HMOX1: variants seen among roughly 807,000 people sequenced by gnomAD.
HMOX1 encodes heme oxygenase 1.
Under a neutral mutation model 27.8 loss-of-function variants are expected in HMOX1, and 22 were observed. The ratio of observed to expected loss-of-function variants is 0.79; its 90% CI spans 0.57 to 1.13. HMOX1 has a LOEUF of 1.13. HMOX1 is among the 50% of genes most tolerant of loss of function. The pLI is 0.00. For missense variants in HMOX1, 379 were observed against 377.7 expected (o/e 1.00, Z -0.03); for synonymous variants, 153 against 151.6 (o/e 1.01, Z -0.07).
At position 35,389,248 on chromosome 22, in the gene HMOX1, T is replaced by TTTC. The variant is rs1491260058; in HGVS notation, c.637-614_637-613insCTT. On this transcript the variant is annotated intron_variant, in intron 3 of 4. Transcript: ENST00000216117. ...TTCTTTCTTTCTTTCTTTTTCTTTC[T>TTTC]TTTCTCTCTCTCTCTCTCTCTCTCT... Among the ~76,000 whole-genome samples the TTTC allele has an allele frequency of 2.8e-4, 35 of 124,216 alleles. 4 individuals carry two copies. The highest frequency in any genetic ancestry group is 1.5e-3 in the African/African-American group (35 of 23,956). The allele number at this position is 124,216 out of a possible 152,430, so 81.5% of individuals were successfully genotyped here.
chr22:35,383,328 T>C, intron 2 of HMOX1, 102 bp downstream of exon 2: 1 of 1,297,962 alleles, frequency 7.7e-7, no homozygotes, highest in Non-Finnish European at 1.1e-6. Context: ...AGGGACCAGA[T>C]GGGCATGTCC....
intron 3 of HMOX1, among the ~76,000 whole-genome samples, chr22:35,389,412 C>A (rs1931644034): frequency 1.0e-5 from 1 of 100,316 alleles, no homozygotes; most frequent in Non-Finnish European, 1.8e-5. Context: ...TTCTTTCTTT[C>A]TTTCTTTCTT....
At chr22:35,387,644 C>T (rs1429232853) in intron 3 of HMOX1, among the ~76,000 whole-genome samples, 2 of 152,214 alleles carry the variant, frequency 1.3e-5, no homozygotes, top group African/African-American at 4.8e-5. Flanking sequence ...AGAGGTTTAC[C>T]TCTTTCTACA....
At chr22:35,383,883 T>C (rs1348604604) in intron 2 of HMOX1, among the ~76,000 whole-genome samples, 2 of 151,760 alleles carry the variant, frequency 1.3e-5, no homozygotes, top group African/African-American at 4.8e-5. Flanking sequence ...GTGAAATTCA[T>C]GCAAATAGAA....
At chr22:35,389,274 CCTCT>C (rs70944257) in intron 3 of HMOX1, among the ~76,000 whole-genome samples, 999 of 96,100 alleles carry the variant, frequency 0.01, 92 homozygotes, top group Middle Eastern at 0.021. Flanking sequence ...CTCTCTCTCT[CCTCT>C]CTCTCTCTCT....
At chr22:35,389,395 C>CTTTCTTTCTTTCTTTCTTTCTTT (rs1555901605) in intron 3 of HMOX1, among the ~76,000 whole-genome samples, 3 of 51,782 alleles carry the variant, frequency 5.8e-5, no homozygotes, top group Admixed American at 2.0e-4. Context: ...TTCCTTCCTT[C>CTTTCTTTCTTTCTTTCTTTCTTT]CTTTCTTTCT....
chr22:35,389,331 TTTC>T (rs1169822180), intron 3 of HMOX1, among the ~76,000 whole-genome samples: 2 of 126,418 alleles, frequency 1.6e-5, no homozygotes, highest in Admixed American at 7.3e-5. Context: ...TCTTTCTTTC[TTTC>T]TTTCTTCTCC....
At position 35,386,970 on chromosome 22, in the gene HMOX1, G is replaced by T; in HGVS notation, c.430G>T (p.Gly144Cys). ...YTRYLGDLSG[G>C]QVLKKIAQKA... is the part of the protein sequence containing the mutation. ...CCGCTACCTGGGTGACCTGTCTGGG[G>T]GCCAGGTGCTCAAAAAGATTGCCCA... is the stretch of plus-strand genomic sequence containing the variant. Residue 144 changes from glycine to cysteine, a missense_variant, in exon 3 of 5, where the codon GGC (glycine) becomes TGC (cysteine). Physicochemically the swap from Gly to Cys is radical, Grantham distance 159 (BLOSUM62 -3). Coordinates refer to ENST00000216117, the MANE Select transcript of HMOX1 (RefSeq NM_002133.3). The T allele has an allele frequency of 1.2e-6, 2 of 1,614,030 alleles. No individual in the cohort carries two copies. Among genetic ancestry groups the T allele is most frequent in the Non-Finnish European group, 1.7e-6 (2 of 1,180,042 alleles).
In HMOX1 at chr22:35,381,772, AT is replaced by A. The variant is rs201144489; in HGVS notation, c.23+587del. Among the ~76,000 whole-genome samples the A allele has an allele frequency of 3.8e-3, 559 of 147,680 alleles. 1 individual carries two copies. Among genetic ancestry groups the A allele is most frequent in the Non-Finnish European group, 5.1e-3 (337 of 66,578 alleles). ...TCCCTTCTTTCAATAATTTGTTAGT[AT>A]TTTTTTTTTTAACTCCTGGGCTTAA... On this transcript the variant is annotated intron_variant, in intron 1 of 4. Coordinates refer to ENST00000216117, the MANE Select transcript of HMOX1 (RefSeq NM_002133.3).
At chr22:35,389,247 CT>C (rs1353013008) in intron 3 of HMOX1, among the ~76,000 whole-genome samples, 1 of 119,560 alleles carries the variant, frequency 8.4e-6, no homozygotes, top group Non-Finnish European at 1.6e-5. Flanking sequence ...CTTTTTCTTT[CT>C]TTTCTCTCTC....
rs372077518 is a variant in HMOX1, at chr22:35,391,585, C to CATTT, written c.736+1622_736+1623insATTT. On this transcript the variant is annotated intron_variant, in intron 4 of 4. Transcript: ENST00000216117. ...TACAGGTGTGAGCCACCGCGCCCGG[C>CATTT]CTTTTTTTTTTTTTTTTTTTTTTTT... Among the ~76,000 whole-genome samples, 1,083 of 112,262 alleles carry CATTT rather than the reference C, an allele frequency of 9.6e-3. 69 individuals carry two copies. The highest frequency in any genetic ancestry group is 0.016 in the African/African-American group (386 of 23,400). 73.6% of individuals were successfully genotyped at this position (112,262 alleles called of 152,430 possible). A position where few individuals can be genotyped will look rare whatever the true frequency, so the allele number is the denominator to read the frequency against.
chr22:35,386,185 T>A (rs1011289751), intron 2 of HMOX1, among the ~76,000 whole-genome samples: 1 of 151,982 alleles, frequency 6.6e-6, no homozygotes, highest in Non-Finnish European at 1.5e-5. Flanking sequence ...CTTGATGTCC[T>A]GACCTTGTGA....
chr22:35,389,230 T>TTTC (rs1491127823), intron 3 of HMOX1, among the ~76,000 whole-genome samples: 1 of 113,224 alleles, frequency 8.8e-6, no homozygotes, highest in Non-Finnish European at 1.7e-5. Context: ...TCTTTCTTTC[T>TTTC]TTCTTTCTTT....
In HMOX1 at chr22:35,393,674, G is replaced by A; in HGVS notation, c.*76G>A. The A allele has an allele frequency of 6.3e-7, 1 of 1,591,902 alleles. No homozygotes were observed. Among genetic ancestry groups the A allele is most frequent in the South Asian group, 1.1e-5 (1 of 90,326 alleles). On this transcript the variant is annotated 3_prime_UTR_variant, in exon 5 of 5. Transcript: ENST00000216117. Reference sequence around the variant, plus strand: ...TTCTTTCTAGAGAGGGAATTCTCTTGGCTGGCTTCCTTACCGTGGGCACTG... The same window carrying A: ...TTCTTTCTAGAGAGGGAATTCTCTTAGCTGGCTTCCTTACCGTGGGCACTG...
At position 35,383,103 on chromosome 22, in the gene HMOX1, C is replaced by T; in HGVS notation, c.24-3C>T. On this transcript the variant is annotated splice_region_variant and splice_polypyrimidine_tract_variant and intron_variant, in intron 1 of 4. Transcript: ENST00000216117. ...GTGTTCACCTTTCCCATTTCCTCCT[C>T]AGCATGCCCCAGGATTTGTCAGAGG... 1 of 1,613,426 alleles carries T rather than the reference C, an allele frequency of 6.2e-7. No homozygotes were observed. The highest frequency in any genetic ancestry group is 8.5e-7 in the Non-Finnish European group (1 of 1,179,566).
Position 35,393,623 on chromosome 22 carries a change from C to A in HMOX1, c.*25C>A, listed in dbSNP as rs530752316. 6.2e-7 allele frequency: 1 copy of A among 1,613,838 alleles called. No homozygotes were observed. Among genetic ancestry groups the A allele is most frequent in the South Asian group, 1.1e-5 (1 of 91,080 alleles). ...AATGCAGGCATGCTGGCTCCCAGGGCCATGAACTTTGTCCGGTGGAAGGCC... is the reference window on the plus strand; with the variant it reads ...AATGCAGGCATGCTGGCTCCCAGGGACATGAACTTTGTCCGGTGGAAGGCC... On this transcript the variant is annotated 3_prime_UTR_variant, in exon 5 of 5. Transcript: ENST00000216117.
At chr22:35,383,651 A>G (rs1045288602) in intron 2 of HMOX1, among the ~76,000 whole-genome samples, 10 of 152,210 alleles carry the variant, frequency 6.6e-5, no homozygotes, top group African/African-American at 2.4e-4. Context: ...CTTGTATTTC[A>G]GAGCTTGTAC....
chr22:35,382,924 C>T (rs1333847926), intron 1 of HMOX1, among the ~76,000 whole-genome samples, 182 bp from the exon 2 acceptor site: 3 of 152,160 alleles, frequency 2.0e-5, no homozygotes, highest in African/African-American at 7.2e-5. Flanking sequence ...TCCCAAAGCG[C>T]TGGGATTACA....
intron 3 of HMOX1, among the ~76,000 whole-genome samples, chr22:35,389,233 C>A (rs1569057103): frequency 7.3e-6 from 1 of 136,318 alleles, no homozygotes; most frequent in African/African-American, 3.4e-5. Context: ...TTCTTTCTTT[C>A]TTTCTTTTTC....
Sources: gnomAD v4.1 joint callset for allele counts (sites outside exome capture counted in the v4.1 genomes callset) on GRCh38, gnomAD v4.1.1 for gene constraint, MANE v1.5 for transcripts, NCBI Gene and HGNC (gene_info 2026-07-23, HGNC 2026-07-21) for gene names.